The following FAM227B variants were observed in gnomAD, a reference collection of about 807,000 sequenced individuals.
FAM227B encodes family with sequence similarity 227 member B.
A neutral mutation model predicts 73.8 loss-of-function variants in FAM227B; 88 were observed. That is an observed-to-expected ratio of 1.19 (90% CI 1.00 to 1.42). The LOEUF (loss-of-function observed/expected upper bound fraction) is 1.42. FAM227B is among the 40% of genes most tolerant of loss of function. The pLI, the probability that FAM227B is intolerant of heterozygous loss-of-function variation, is 0.00. For missense variants in FAM227B, 632 were observed against 590.9 expected, an observed-to-expected ratio of 1.07 and a Z score of -0.72; for synonymous variants, 210 against 190.5, an observed-to-expected ratio of 1.10 and a Z score of -0.84.
chr15:49,525,665 A>AATATAT (rs57123974), intron 10 of FAM227B, among the ~76,000 whole-genome samples: 37 of 81,432 alleles, frequency 4.5e-4, no homozygotes, highest in African/African-American at 1.3e-3. Flanking sequence ...AGGGTGGAGA[A>AATATAT]ATATATATAT....
At chr15:49,346,573 T>C (rs1245780929) in intron 13 of FAM227B, among the ~76,000 whole-genome samples, 3 of 152,188 alleles carry the variant, frequency 2.0e-5, no homozygotes, top group Non-Finnish European at 4.4e-5. Context: ...ATTGATTCAC[T>C]GTGCATGGGC....
chr15:49,370,244 G>C (rs2045720266), intron 12 of FAM227B, among the ~76,000 whole-genome samples: 2 of 152,212 alleles, frequency 1.3e-5, no homozygotes, highest in South Asian at 4.1e-4. Context: ...TACTACTAAA[G>C]ATGTATTTCC....
intron 1 of FAM227B, among the ~76,000 whole-genome samples, chr15:49,618,530 C>T (rs748153449): frequency 6.6e-6 from 1 of 152,090 alleles, no homozygotes; most frequent in Non-Finnish European, 1.5e-5. Flanking sequence ...TACTATGTGC[C>T]TTGGGGTTGA....
chr15:49,601,641 A>C (rs1247411029), intron 3 of FAM227B, among the ~76,000 whole-genome samples: 1 of 152,206 alleles, frequency 6.6e-6, no homozygotes, highest in African/African-American at 2.4e-5. Flanking sequence ...TGTCACAAAT[A>C]ATCCAATTAT....
intron 3 of FAM227B, among the ~76,000 whole-genome samples, chr15:49,609,380 G>A (rs1050541851): frequency 6.6e-6 from 1 of 151,654 alleles, no homozygotes; most frequent in African/African-American, 2.4e-5. Flanking sequence ...AGATAGAAAT[G>A]GTAGGAACTG....
intron 11 of FAM227B, among the ~76,000 whole-genome samples, chr15:49,452,678 T>C (rs2052872057): frequency 6.6e-6 from 1 of 152,172 alleles, no homozygotes; most frequent in Non-Finnish European, 1.5e-5. Context: ...GAAATCCTAT[T>C]ATTTCTGGGC....
chr15:49,412,267 A>AT (rs1423483161), intron 11 of FAM227B, among the ~76,000 whole-genome samples: 1 of 151,906 alleles, frequency 6.6e-6, no homozygotes, highest in Non-Finnish European at 1.5e-5. Flanking sequence ...CAAATTAGCC[A>AT]TTTTTTCTTG....
At chr15:49,368,135 A>G (rs2045497601) in intron 12 of FAM227B, among the ~76,000 whole-genome samples, 1 of 152,056 alleles carries the variant, frequency 6.6e-6, no homozygotes, top group African/African-American at 2.4e-5. Context: ...TTATCATAAC[A>G]AAACAGGCCA....
intron 9 of FAM227B, among the ~76,000 whole-genome samples, chr15:49,564,904 G>A (rs1230745649): frequency 6.6e-6 from 1 of 151,902 alleles, no homozygotes; most frequent in Non-Finnish European, 1.5e-5. Flanking sequence ...CTACCTGGAT[G>A]ACAGGATCTT....
chr15:49,551,185 G>A (rs1320951707), intron 9 of FAM227B, among the ~76,000 whole-genome samples: 1 of 152,232 alleles, frequency 6.6e-6, no homozygotes, highest in Non-Finnish European at 1.5e-5. Context: ...GGCAGGCTGA[G>A]GCAGGAGAAT....
At chr15:49,475,063 T>C (rs1169586075) in intron 11 of FAM227B, among the ~76,000 whole-genome samples, 2 of 152,182 alleles carry the variant, frequency 1.3e-5, no homozygotes, top group African/African-American at 2.4e-5. Flanking sequence ...AGATACAATA[T>C]AATAAATTAT....
intron 10 of FAM227B, among the ~76,000 whole-genome samples, chr15:49,528,509 C>T (rs1016829592): frequency 2.6e-5 from 4 of 151,368 alleles, no homozygotes; most frequent in Non-Finnish European, 5.9e-5. Flanking sequence ...TGAGACGTAA[C>T]CTAAAAACCG....
intron 9 of FAM227B, among the ~76,000 whole-genome samples, chr15:49,554,276 A>G (rs2073392278): frequency 6.6e-6 from 1 of 152,102 alleles, no homozygotes; most frequent in Non-Finnish European, 1.5e-5. Context: ...GAGAGAGGTG[A>G]TGCCGGTACT....
At chr15:49,475,235 G>C (rs2055157132) in intron 11 of FAM227B, among the ~76,000 whole-genome samples, 1 of 152,184 alleles carries the variant, frequency 6.6e-6, no homozygotes, top group African/African-American at 2.4e-5. Flanking sequence ...GTTACTGAAA[G>C]AACTCTTGGA....
intron 11 of FAM227B, among the ~76,000 whole-genome samples, chr15:49,438,330 C>A (rs748976572): frequency 1.3e-5 from 2 of 151,684 alleles, no homozygotes; most frequent in Non-Finnish European, 3.0e-5. Flanking sequence ...AAAAATTTAA[C>A]CTTTCTTACC....
intron 6 of FAM227B, 174 bp downstream of exon 6, chr15:49,577,455 A>G (rs911581286): frequency 1.4e-5 from 7 of 512,554 alleles, no homozygotes; most frequent in Middle Eastern, 2.8e-4. Context: ...TAGCTAGACT[A>G]CACATAAGTA....
chr15:49,378,501 T>C (rs1387585539), intron 11 of FAM227B, among the ~76,000 whole-genome samples: 1 of 152,044 alleles, frequency 6.6e-6, no homozygotes, highest in Non-Finnish European at 1.5e-5. Context: ...CAGTGTTTTA[T>C]AGTTTTCATT....
chr15:49,376,028 T>C (rs1244871288), intron 11 of FAM227B, among the ~76,000 whole-genome samples: 1 of 152,118 alleles, frequency 6.6e-6, no homozygotes, highest in African/African-American at 2.4e-5. Context: ...TTATTATTGA[T>C]ATGTGTTCCT....
At chr15:49,405,008 T>C (rs1263650207) in intron 11 of FAM227B, among the ~76,000 whole-genome samples, 1 of 152,180 alleles carries the variant, frequency 6.6e-6, no homozygotes, top group Non-Finnish European at 1.5e-5. Context: ...CCCTCACTTA[T>C]GGAGCTAGTT....
Sources: allele counts gnomAD v4.1 joint callset (sites outside exome capture counted in the v4.1 genomes callset), GRCh38; gene constraint gnomAD v4.1.1; transcripts MANE v1.5; gene names NCBI Gene and HGNC (gene_info 2026-07-23, HGNC 2026-07-21).